GOLGA3: variants seen among roughly 807,000 people sequenced by gnomAD.
GOLGA3 encodes the protein golgin A3, also known as golgin subfamily A member 3.
GOLGA3 carries 75 observed loss-of-function variants against 169.4 expected under a neutral mutation model. The observed-to-expected ratio is 0.44, with a 90% confidence interval of 0.37 to 0.54. GOLGA3 has a LOEUF of 0.54. Ranked by LOEUF, GOLGA3 falls within the 20% of genes least tolerant of loss-of-function variation. The pLI is 0.00. For synonymous variants in GOLGA3, 824 were observed against 822.4 expected, an observed-to-expected ratio of 1.00 and a Z score of -0.03; for missense variants, 1,899 against 1,930.0, an observed-to-expected ratio of 0.98 and a Z score of 0.30.
At chr12:132,809,093 G>A (rs915046820) in intron 4 of GOLGA3, among the ~76,000 whole-genome samples, 3 of 152,234 alleles carry the variant, frequency 2.0e-5, no homozygotes, top group Non-Finnish European at 4.4e-5. Context: ...AAGGTCACGT[G>A]GGTCACGTGT....
Position 132,804,091 on chromosome 12 carries a change from C to T in GOLGA3, c.1597+625G>A, listed in dbSNP as rs1460237619. Reference sequence around the variant, plus strand: ...GCTGCCAAGCCACATGGAAGCCCGCCGCGGCTTCCGCAATCCACTGCCCTA... The same window carrying T: ...GCTGCCAAGCCACATGGAAGCCCGCTGCGGCTTCCGCAATCCACTGCCCTA... On this transcript the variant is annotated intron_variant, in intron 7 of 23. Coordinates refer to ENST00000450791, the MANE Select transcript of GOLGA3 (RefSeq NM_001389683.1). This position sits in a 1 kb window ranked among gnomAD's most constrained non-coding sequence, Gnocchi z 4.1. 6.6e-6 allele frequency among the ~76,000 whole-genome samples: 1 copy of T among 152,172 alleles called. No individual in the cohort carries two copies. The highest frequency in any genetic ancestry group is 1.5e-5 in the Non-Finnish European group (1 of 68,040).
At chr12:132,811,513 T>G (rs1268879155) in intron 4 of GOLGA3, among the ~76,000 whole-genome samples, 2 of 151,656 alleles carry the variant, frequency 1.3e-5, no homozygotes, top group Non-Finnish European at 1.5e-5. Context: ...CAGGCTGGAG[T>G]GCAGTGGTGC....
chr12:132,795,811 G>A (rs1236180618), intron 11 of GOLGA3, 41 bp downstream of exon 11: 13 of 1,571,652 alleles, frequency 8.3e-6, no homozygotes, highest in Non-Finnish European at 1.1e-5. Flanking sequence ...TTCCTGCAAG[G>A]AGGGTTCTGA....
At position 132,774,200 on chromosome 12, in the gene GOLGA3, T is replaced by C. The variant is rs1373442239; in HGVS notation, c.4264A>G (p.Lys1422Glu). Residue 1422 changes from lysine to glutamate, a missense_variant, in exon 23 of 24, where the codon AAG becomes GAG. Coordinates refer to ENST00000450791, the MANE Select transcript of GOLGA3 (RefSeq NM_001389683.1). ...ELLRPPPAVS[K>E]EPLKNLNSCL... ...CTGTTCAGGTTCTTGAGGGGCTCCTTGCTCACGGCGGGCGGTGGTCTCAGC... is the reference window on the plus strand; with the variant it reads ...CTGTTCAGGTTCTTGAGGGGCTCCTCGCTCACGGCGGGCGGTGGTCTCAGC... 3 of 1,612,188 alleles carry C rather than the reference T, an allele frequency of 1.9e-6. No individual in the cohort carries two copies. The Admixed American group carries it at 5.0e-5, about 27-fold the overall frequency.
At chr12:132,825,164 G>A (rs1465354985) in intron 1 of GOLGA3, among the ~76,000 whole-genome samples, 1 of 152,150 alleles carries the variant, frequency 6.6e-6, no homozygotes, top group Non-Finnish European at 1.5e-5. Flanking sequence ...CCTTGCGGGG[G>A]TGGGGTGATT....
Position 132,784,230 on chromosome 12 carries a change from C to T in GOLGA3, c.3201G>A (p.Glu1067=). Reference sequence around the variant, plus strand: ...GCTCCTGGCTGGTCAGCGCTATGACCTCCTGCAGTTCCTTTTCCAGCAGCG... The same window carrying T: ...GCTCCTGGCTGGTCAGCGCTATGACTTCCTGCAGTTCCTTTTCCAGCAGCG... The part of the protein sequence containing the change: ...SKTLLEKELQ[E]VIALTSQELE... The change falls in exon 16 of 24, where the codon GAG becomes GAA. Residue 1067 remains glutamate (E), a synonymous_variant. Coordinates refer to ENST00000450791, the MANE Select transcript of GOLGA3 (RefSeq NM_001389683.1). 2.5e-6 allele frequency: 4 copies of T among 1,611,292 alleles called. No homozygotes were observed. The highest frequency in any genetic ancestry group is 3.4e-6 in the Non-Finnish European group (4 of 1,180,014).
At chr12:132,806,077 G>A (rs973181159) in intron 6 of GOLGA3, among the ~76,000 whole-genome samples, 1 of 152,198 alleles carries the variant, frequency 6.6e-6, no homozygotes, top group Non-Finnish European at 1.5e-5. Context: ...CCACGCTGAG[G>A]CCTACAGGGG....
At chr12:132,812,558 GGAA>G (rs1235603788) in intron 4 of GOLGA3, among the ~76,000 whole-genome samples, 3 of 152,110 alleles carry the variant, frequency 2.0e-5, no homozygotes, top group Admixed American at 2.0e-4. Flanking sequence ...ACAGGAGTGT[GGAA>G]GAAGCTGATT....
Position 132,804,669 on chromosome 12 carries a change from G to A in GOLGA3, c.1597+47C>T. On this transcript the variant is annotated intron_variant, in intron 7 of 23. Transcript: ENST00000450791. This position sits in a 1 kb window ranked among gnomAD's most constrained non-coding sequence, Gnocchi z 4.1. ...CCAGTCGAGGAAGGAGGAGGGAGCA[G>A]CAGGGACCAGTCAGGGAGGGGAGGG... The A allele has an allele frequency of 1.3e-6, 2 of 1,483,822 alleles. No homozygotes were observed. The highest frequency in any genetic ancestry group is 1.9e-6 in the Non-Finnish European group (2 of 1,076,098). 91.9% of individuals were successfully genotyped at this position (1,483,822 alleles called of 1,614,324 possible).
chr12:132,783,677 A>G (rs568279341), intron 16 of GOLGA3, among the ~76,000 whole-genome samples: 1 of 152,304 alleles, frequency 6.6e-6, no homozygotes, highest in South Asian at 2.1e-4. Flanking sequence ...TCCTGGGTTC[A>G]AGCGGTTTAC....
chr12:132,822,494 C>T (rs1203714455), intron 1 of GOLGA3, among the ~76,000 whole-genome samples, 183 bp from the exon 2 acceptor site: 1 of 152,260 alleles, frequency 6.6e-6, no homozygotes. Context: ...GCTGACCCAG[C>T]CACACTGGGC....
chr12:132,813,421 T>C lies in GOLGA3; in HGVS notation c.407-2A>G, dbSNP rs1236003721. The C allele has an allele frequency of 4.5e-6, 7 of 1,568,232 alleles. No individual in the cohort carries two copies. The Admixed American group carries it at 1.3e-4, about 28-fold the overall frequency. On this transcript the variant is annotated splice_acceptor_variant, in intron 3 of 23. Coordinates refer to ENST00000450791, the MANE Select transcript of GOLGA3 (RefSeq NM_001389683.1). LOFTEE classifies it high-confidence loss of function. ...GGGGCAGGGGAGAATCTGTAGAGCC[T>C]GCAGTGGGAAAAGGGCAATTTGGAA... is the stretch of plus-strand genomic sequence containing the variant.
Position 132,791,267 on chromosome 12 carries a change from A to T in GOLGA3, c.2496T>A (p.Ala832=), listed in dbSNP as rs768786399. Residue 832 remains alanine, a synonymous_variant, in exon 12 of 24, where the codon GCT becomes GCA. Transcript: ENST00000450791. The part of the protein sequence containing the change: ...GQVEHLQQET[A]ALKKQMQKIK... ...TTTTTTGCATTTGCTTTTTCAGAGC[A>T]GCAGTCTCCTGCTGCAGGTGTTCCA... 8.7e-6 allele frequency: 14 copies of T among 1,607,772 alleles called. No homozygotes were observed. Among genetic ancestry groups the T allele is most frequent in the Non-Finnish European group, 1.2e-5 (14 of 1,175,488 alleles).
At chr12:132,805,044 C>A in intron 6 of GOLGA3, 22 bp from the exon 7 acceptor site, 1 of 1,595,932 alleles carries the variant, frequency 6.3e-7, no homozygotes, top group Non-Finnish European at 8.5e-7. Context: ...CCAACAACCA[C>A]AATGATTTTA....
At chr12:132,797,206 G>A (rs1948890277) in intron 9 of GOLGA3, among the ~76,000 whole-genome samples, 1 of 152,100 alleles carries the variant, frequency 6.6e-6, no homozygotes, top group African/African-American at 2.4e-5. Context: ...CATCCCAGCC[G>A]GGCAGCCCAG....
intron 8 of GOLGA3, among the ~76,000 whole-genome samples, chr12:132,801,204 C>T (rs1013678625): frequency 1.3e-5 from 2 of 152,126 alleles, no homozygotes; most frequent in African/African-American, 2.4e-5. Context: ...AACGAGTGGA[C>T]GGGAGAGGAA....
intron 3 of GOLGA3, among the ~76,000 whole-genome samples, chr12:132,814,841 T>C (rs1370073927): frequency 6.6e-6 from 1 of 152,232 alleles, no homozygotes; most frequent in Non-Finnish European, 1.5e-5. Context: ...AGACCTTTCA[T>C]TGTAGGTGAT....
chr12:132,821,607 TTGAGGC>T (rs373738576), intron 2 of GOLGA3, among the ~76,000 whole-genome samples: 14 of 152,154 alleles, frequency 9.2e-5, no homozygotes, highest in African/African-American at 1.4e-4. Context: ...TCCCAGCACT[TTGAGGC>T]TGAGGCTGAG....
chr12:132,809,872 G>A (rs1156597761), intron 4 of GOLGA3, among the ~76,000 whole-genome samples: 2 of 152,162 alleles, frequency 1.3e-5, no homozygotes, highest in South Asian at 2.1e-4. Flanking sequence ...TGCCTGAGTG[G>A]CTTGCCACCC....
Sources: allele counts gnomAD v4.1 joint callset (sites outside exome capture counted in the v4.1 genomes callset), GRCh38; gene constraint gnomAD v4.1.1; non-coding constraint Gnocchi (gnomAD v3.1); transcripts MANE v1.5; gene names NCBI Gene and HGNC (gene_info 2026-07-23, HGNC 2026-07-21).